PLPP2: variants seen among roughly 807,000 people sequenced by gnomAD.
PLPP2 encodes phospholipid phosphatase 2.
A neutral mutation model predicts 35.2 loss-of-function variants in PLPP2; 29 were observed. The ratio of observed to expected loss-of-function variants is 0.82; its 90% CI spans 0.61 to 1.12. PLPP2 has a LOEUF of 1.12. Ranked by LOEUF, PLPP2 falls within the 50% of genes most tolerant of loss-of-function variation. The pLI, the probability that PLPP2 is intolerant of heterozygous loss-of-function variation, is 0.00. For missense variants in PLPP2, 353 were observed against 375.2 expected (o/e 0.94, Z 0.49); for synonymous variants, 162 against 167.0 (o/e 0.97, Z 0.23).
chr19:282,435 G>A (rs1246266651), intron 4 of PLPP2, 125 bp from the exon 5 acceptor site: 1 of 499,266 alleles, frequency 2.0e-6, no homozygotes, highest in Non-Finnish European at 3.4e-6. Context: ...GTGTTAGCCT[G>A]TGCACCTGCC....
chr19:290,281 C>T (rs62103686), intron 1 of PLPP2, among the ~76,000 whole-genome samples: 1 of 152,224 alleles, frequency 6.6e-6, no homozygotes, highest in Non-Finnish European at 1.5e-5. Context: ...CTCAGCACCT[C>T]CCTCACAGGC....
At chr19:288,322 T>C in intron 1 of PLPP2, 151 bp from the exon 2 acceptor site, 1 of 674,706 alleles carries the variant, frequency 1.5e-6, no homozygotes, top group Admixed American at 3.7e-5. Flanking sequence ...TAACACTCCC[T>C]TTCGCATCCC....
intron 1 of PLPP2, 117 bp downstream of exon 1, chr19:291,168 G>A: frequency 6.6e-7 from 1 of 1,515,016 alleles, no homozygotes; most frequent in Admixed American, 2.0e-5. Context: ...CCGCCTCCAG[G>A]GTCCTCGGAG....
intron 3 of PLPP2, chr19:285,669 A>G (rs2145271211): frequency 6.6e-6 from 1 of 150,714 alleles, no homozygotes; most frequent in South Asian, 2.1e-4. Flanking sequence ...AAAAAAAAAG[A>G]TTATTCAGCC....
At position 289,857 on chromosome 19, in the gene PLPP2, G is replaced by A. The variant is rs139194491; in HGVS notation, c.52+1428C>T. Among the ~76,000 whole-genome samples, 452 of 152,180 alleles carry A rather than the reference G, an allele frequency of 3.0e-3. 3 individuals are homozygous for A. The highest frequency in any genetic ancestry group is 4.4e-3 in the Non-Finnish European group (296 of 67,988). ...GAGGAGGCTCCTGCAGTTGCCGGCC[G>A]GGTGGAAAGTCAGGGTTACGAGATG... On this transcript the variant is annotated intron_variant, in intron 1 of 5. Transcript: ENST00000434325.
chr19:281,665 G>A (rs535398296), intron 5 of PLPP2, 128 bp from the exon 6 acceptor site: 1 of 887,704 alleles, frequency 1.1e-6, no homozygotes, highest in South Asian at 2.5e-5. Context: ...AATGAGAGGA[G>A]TAGTGCCTGG....
At position 291,348 on chromosome 19, in the gene PLPP2, C is replaced by A. The variant is rs577615619; in HGVS notation, c.-12G>T. ...CACCTCCGCTGCATGGTCCCCGCGA[C>A]CCCCGACGCCGGTCCCAGCGCGTCC... On this transcript the variant is annotated 5_prime_UTR_variant, in exon 1 of 6. Coordinates refer to ENST00000434325, the MANE Select transcript of PLPP2 (RefSeq NM_003712.4). 2.0e-5 allele frequency: 31 copies of A among 1,588,922 alleles called. No homozygotes were observed. In the African/African-American group the frequency reaches 4.3e-4, roughly 22 times the overall value.
At chr19:290,012 C>T (rs1490663211) in intron 1 of PLPP2, among the ~76,000 whole-genome samples, 3 of 152,270 alleles carry the variant, frequency 2.0e-5, no homozygotes, top group South Asian at 2.1e-4. Context: ...CGACAGGCGC[C>T]GGGCTTCCCT....
At chr19:284,500 C>T (rs1317409123) in intron 3 of PLPP2, 1 of 152,200 alleles carries the variant, frequency 6.6e-6, no homozygotes, top group Admixed American at 6.5e-5. Context: ...ACTTGAACTT[C>T]TGGGCTCCAG....
intron 3 of PLPP2, chr19:283,943 GA>G (rs1433613692): frequency 2.0e-5 from 3 of 152,142 alleles, no homozygotes; most frequent in African/African-American, 7.2e-5. Flanking sequence ...TTTACAACCA[GA>G]AAAGTCATTA....
intron 5 of PLPP2, 124 bp downstream of exon 5, chr19:282,010 G>A (rs1970183174): frequency 2.7e-6 from 3 of 1,097,754 alleles, no homozygotes; most frequent in Non-Finnish European, 1.3e-6. Context: ...GTCCCAGGGA[G>A]GACTGACAGG....
chr19:282,414 C>G, intron 4 of PLPP2, 104 bp from the exon 5 acceptor site: 1 of 721,114 alleles, frequency 1.4e-6, no homozygotes, highest in Non-Finnish European at 2.3e-6. Context: ...TCCCCCTCCC[C>G]CTGCACAGAC....
At chr19:281,716 C>T (rs2145265021) in intron 5 of PLPP2, among the ~76,000 whole-genome samples, 179 bp from the exon 6 acceptor site, 1 of 150,578 alleles carries the variant, frequency 6.6e-6, no homozygotes, top group East Asian at 2.0e-4. Context: ...CAGTGGGGAG[C>T]ACTGAGGAGC....
rs1970185032 is a variant in PLPP2, at chr19:282,116, T to C, written c.717+18A>G. On this transcript the variant is annotated intron_variant, in intron 5 of 5. Coordinates refer to ENST00000434325, the MANE Select transcript of PLPP2 (RefSeq NM_003712.4). ...TCTCTGGACAACACAGGGGATAGAG[T>C]TAGGGTTAGAAGCTCACAGTGAGGG... The C allele has an allele frequency of 1.2e-6, 2 of 1,611,442 alleles. No individual in the cohort carries two copies. Among genetic ancestry groups the C allele is most frequent in the Non-Finnish European group, 8.5e-7 (1 of 1,179,176 alleles).
chr19:281,543 A>G lies in PLPP2; in HGVS notation c.718-6T>C, dbSNP rs188759830. 27 of 1,478,704 alleles carry G rather than the reference A, an allele frequency of 1.8e-5. No individual in the cohort carries two copies. The East Asian group carries it at 5.4e-4, about 30-fold the overall frequency. 91.6% of individuals were successfully genotyped at this position (1,478,704 alleles called of 1,614,324 possible). On this transcript the variant is annotated splice_polypyrimidine_tract_variant and splice_region_variant and intron_variant, in intron 5 of 5. Coordinates refer to ENST00000434325, the MANE Select transcript of PLPP2 (RefSeq NM_003712.4). ...AAGTCTGAGATGTAGCAGACCTGGT[A>G]GAGCAGAGGGTGGTGAGAATGGGCA...
chr19:290,375 C>T (rs566802637), intron 1 of PLPP2, among the ~76,000 whole-genome samples: 9 of 152,352 alleles, frequency 5.9e-5, no homozygotes, highest in African/African-American at 2.2e-4. Flanking sequence ...ACATAAATAA[C>T]ACCATAGGTG....
chr19:281,992 G>A, intron 5 of PLPP2, 142 bp downstream of exon 5: 4 of 935,346 alleles, frequency 4.3e-6, no homozygotes, highest in Non-Finnish European at 6.4e-6. Context: ...CTGGGGTTGG[G>A]GGAAGGGGTC....
intron 1 of PLPP2, among the ~76,000 whole-genome samples, chr19:289,311 C>T (rs1457685929): frequency 3.3e-5 from 5 of 152,174 alleles, no homozygotes; most frequent in African/African-American, 1.2e-4. Flanking sequence ...ACACTCCTCC[C>T]GACATGCTAA....
In PLPP2 at chr19:282,816, AAGG is replaced by A; in HGVS notation, c.483-10_483-8del. 6.2e-7 allele frequency: 1 copy of A among 1,613,372 alleles called. No individual in the cohort carries two copies. Among genetic ancestry groups the A allele is most frequent in the African/African-American group, 1.3e-5 (1 of 74,946 alleles). On this transcript the variant is annotated splice_region_variant and splice_polypyrimidine_tract_variant and intron_variant, in intron 3 of 5. Transcript: ENST00000434325. ...TCCCGAGTAGAAAGACAACCTGAGG[AAGG>A]AGAAGGGGCAGGTGGCTCACTCAGC...
Sources: allele counts gnomAD v4.1 joint callset (sites outside exome capture counted in the v4.1 genomes callset), GRCh38; gene constraint gnomAD v4.1.1; transcripts MANE v1.5; gene names NCBI Gene and HGNC (gene_info 2026-07-23, HGNC 2026-07-21).